CCDC152: variants seen among roughly 807,000 people sequenced by gnomAD.
CCDC152 encodes the protein coiled-coil domain-containing protein 152.
In CCDC152, 37 loss-of-function variants were observed where a neutral mutation model predicts 38.1. That is an observed-to-expected ratio of 0.97 (90% confidence interval 0.75 to 1.28). CCDC152 has a LOEUF of 1.28. Ranked by LOEUF, CCDC152 falls within the 50% of genes most tolerant of loss-of-function variation. CCDC152 has a pLI of 0.00. For synonymous variants in CCDC152, 83 were observed against 87.1 expected (o/e 0.95, Z 0.26); for missense variants, 259 against 292.1 (o/e 0.89, Z 0.83).
chr5:42,772,901 G>T (rs774302140), intron 4 of CCDC152, among the ~76,000 whole-genome samples: 2 of 152,090 alleles, frequency 1.3e-5, no homozygotes, highest in African/African-American at 2.4e-5. Flanking sequence ...AACAGGAAAC[G>T]GTTTTTCTTT....
intron 6 of CCDC152, 47 bp downstream of exon 6, chr5:42,783,623 T>G (rs1372421316): frequency 1.0e-6 from 1 of 966,694 alleles, no homozygotes; most frequent in African/African-American, 1.7e-5. Flanking sequence ...TCAACAGATA[T>G]AATGTGTGGG....
intron 4 of CCDC152, among the ~76,000 whole-genome samples, chr5:42,778,374 G>C (rs1453035162): frequency 3.3e-5 from 5 of 152,088 alleles, no homozygotes; most frequent in Admixed American, 3.3e-4. Context: ...GAGCAACTAA[G>C]GAGGAAACTA....
chr5:42,759,147 T>C lies in CCDC152; in HGVS notation c.26T>C (p.Met9Thr), dbSNP rs1759517364. Residue 9 changes from methionine to threonine, a missense_variant, in exon 2 of 9, where the codon ATG becomes ACG. Transcript: ENST00000361970. ...ATGGACCAAAGCAGTGAAGGATGTA[T>C]GAAAAAGATTAGCAGTGTGAATCTT... Reference protein sequence around the residue: MDQSSEGCMKKISSVNLDK... With the variant: MDQSSEGCTKKISSVNLDK... 1.3e-6 allele frequency: 2 copies of C among 1,550,948 alleles called. No individual in the cohort carries two copies. The highest frequency in any genetic ancestry group is 4.9e-5 in the East Asian group (2 of 40,842).
intron 6 of CCDC152, among the ~76,000 whole-genome samples, chr5:42,789,352 T>C (rs1759967898): frequency 6.6e-6 from 1 of 152,144 alleles, no homozygotes; most frequent in Non-Finnish European, 1.5e-5. Flanking sequence ...CACAAGTAAC[T>C]TTGATCTCTT....
chr5:42,772,494 T>C (rs1213442798), intron 4 of CCDC152, among the ~76,000 whole-genome samples: 1 of 151,604 alleles, frequency 6.6e-6, no homozygotes, highest in Non-Finnish European at 1.5e-5. Flanking sequence ...TAAAAAAAAA[T>C]ACAAAAATTT....
intron 6 of CCDC152, among the ~76,000 whole-genome samples, chr5:42,795,907 GC>G (rs1454839712): frequency 2.0e-5 from 3 of 151,564 alleles, no homozygotes; most frequent in Non-Finnish European, 2.9e-5. Context: ...ATACTATGCA[GC>G]CATAAAAAAT....
At chr5:42,780,894 A>G (rs1759835360) in intron 5 of CCDC152, among the ~76,000 whole-genome samples, 1 of 152,208 alleles carries the variant, frequency 6.6e-6, no homozygotes, top group South Asian at 2.1e-4. Context: ...GCATATGAAA[A>G]GAAGACAACC....
rs1759518275 is a variant in CCDC152 at position 42,759,210 on chromosome 5, T to C, written c.87+2T>C. On this transcript the variant is annotated splice_donor_variant, in intron 2 of 8. Transcript: ENST00000361970. LOFTEE classifies it high-confidence loss of function. ...AATGACTTCTCACAGATAGAAAAGGTATGTAAAGATAGAAAACAATTCTAC... is the reference window on the plus strand; with the variant it reads ...AATGACTTCTCACAGATAGAAAAGGCATGTAAAGATAGAAAACAATTCTAC... 1 of 1,532,598 alleles carries C rather than the reference T, an allele frequency of 6.5e-7. No homozygotes were observed. Among genetic ancestry groups the C allele is most frequent in the South Asian group, 1.2e-5 (1 of 83,118 alleles). The allele number at this position is 1,532,598 out of a possible 1,614,324, so 94.9% of individuals were successfully genotyped here. A position where few individuals can be genotyped will look rare whatever the true frequency, so the allele number is the denominator to read the frequency against.
At chr5:42,768,323 G>T (rs1031397832) in intron 3 of CCDC152, among the ~76,000 whole-genome samples, 23 of 152,152 alleles carry the variant, frequency 1.5e-4, no homozygotes, top group Admixed American at 1.1e-3. Flanking sequence ...ACAAATATTT[G>T]TGGATTGCCT....
chr5:42,778,933 A>T lies in CCDC152; in HGVS notation c.263-525A>T, dbSNP rs144905345. Reference sequence around the variant, plus strand: ...TAGAATATGTAGAATATGTCTACCTAGTGATAGGATCCCAACCTATATAGC... The same window carrying T: ...TAGAATATGTAGAATATGTCTACCTTGTGATAGGATCCCAACCTATATAGC... On this transcript the variant is annotated intron_variant, in intron 4 of 8. Coordinates refer to ENST00000361970, the MANE Select transcript of CCDC152 (RefSeq NM_001134848.2). Among the ~76,000 whole-genome samples the T allele has an allele frequency of 5.9e-4, 90 of 152,308 alleles. 1 individual carries two copies. The highest frequency in any genetic ancestry group is 2.1e-3 in the African/African-American group (87 of 41,568).
chr5:42,788,794 T>C (rs1759959767), intron 6 of CCDC152, among the ~76,000 whole-genome samples: 1 of 152,256 alleles, frequency 6.6e-6, no homozygotes, highest in South Asian at 2.1e-4. Context: ...TTGCCTTTAT[T>C]GTTTGTGCTT....
At chr5:42,777,649 T>C (rs1007401118) in intron 4 of CCDC152, among the ~76,000 whole-genome samples, 2 of 152,218 alleles carry the variant, frequency 1.3e-5, no homozygotes, top group Non-Finnish European at 2.9e-5. Flanking sequence ...GTGTAACACT[T>C]TTCCTATCGG....
intron 5 of CCDC152, among the ~76,000 whole-genome samples, chr5:42,780,929 C>T (rs1759835916): frequency 2.0e-5 from 3 of 152,130 alleles, no homozygotes; most frequent in Admixed American, 6.6e-5. Flanking sequence ...GGGGATTAGT[C>T]TCCTTAGAAA....
intron 6 of CCDC152, among the ~76,000 whole-genome samples, chr5:42,796,009 A>C (rs918263907): frequency 1.3e-5 from 2 of 150,724 alleles, no homozygotes; most frequent in East Asian, 2.0e-4. Flanking sequence ...CAAACACCAC[A>C]TGTTCTCACT....
At chr5:42,759,811 T>C (rs759203277) in intron 2 of CCDC152, among the ~76,000 whole-genome samples, 1 of 152,152 alleles carries the variant, frequency 6.6e-6, no homozygotes, top group Admixed American at 6.5e-5. Flanking sequence ...CTACAGTATA[T>C]TATAATTGTT....
At chr5:42,770,095 A>C (rs1193828392) in intron 4 of CCDC152, among the ~76,000 whole-genome samples, 2 of 152,238 alleles carry the variant, frequency 1.3e-5, no homozygotes, top group African/African-American at 4.8e-5. Context: ...TGAAGTCAAC[A>C]CATTCAGCTT....
At chr5:42,778,333 C>G (rs199512408) in intron 4 of CCDC152, among the ~76,000 whole-genome samples, 5 of 152,218 alleles carry the variant, frequency 3.3e-5, no homozygotes, top group Non-Finnish European at 5.9e-5. Flanking sequence ...TCTCCACCCC[C>G]CAAGAGATGA....
chr5:42,787,926 G>A (rs759014495), intron 6 of CCDC152, among the ~76,000 whole-genome samples: 1 of 152,142 alleles, frequency 6.6e-6, no homozygotes, highest in Non-Finnish European at 1.5e-5. Flanking sequence ...TGTATTTTAA[G>A]TGGAACATTT....
chr5:42,793,788 T>C (rs1348057988), intron 6 of CCDC152, among the ~76,000 whole-genome samples: 1 of 152,164 alleles, frequency 6.6e-6, no homozygotes, highest in African/African-American at 2.4e-5. Context: ...TTTGTATTTT[T>C]AGTAGAGACA....
Sources: allele counts gnomAD v4.1 joint callset (sites outside exome capture counted in the v4.1 genomes callset), GRCh38; gene constraint gnomAD v4.1.1; transcripts MANE v1.5; gene names NCBI Gene and HGNC (gene_info 2026-07-23, HGNC 2026-07-21).